CEP57L1: variants seen among roughly 807,000 people sequenced by gnomAD.
CEP57L1 encodes centrosomal protein CEP57L1.
CEP57L1 carries 37 observed loss-of-function variants against 61.0 expected under a neutral mutation model. The observed-to-expected ratio is 0.61, with a 90% CI of 0.47 to 0.80. CEP57L1 has a LOEUF of 0.80. CEP57L1 is among the 30% of genes least tolerant of loss of function. The probability of loss-of-function intolerance (pLI) is 0.00; values close to 1 mark genes in which losing one functional copy is unlikely to be tolerated. For synonymous variants in CEP57L1, 137 were observed against 162.3 expected, an observed-to-expected ratio of 0.84 and a Z score of 1.19; for missense variants, 422 against 524.7, an observed-to-expected ratio of 0.80 and a Z score of 1.91.
intron 1 of CEP57L1, among the ~76,000 whole-genome samples, chr6:109,101,084 G>A (rs1782335602): frequency 1.3e-5 from 2 of 152,180 alleles, no homozygotes; most frequent in African/African-American, 4.8e-5. Context: ...TCCAGTCTGG[G>A]CGACAGAGTA....
intron 1 of CEP57L1, among the ~76,000 whole-genome samples, chr6:109,116,011 T>A (rs916355062): frequency 6.6e-6 from 1 of 152,206 alleles, no homozygotes; most frequent in African/African-American, 2.4e-5. Context: ...TGTATTTTTA[T>A]GAGTTTTGGT....
chr6:109,126,520 A>G (rs966757471), intron 1 of CEP57L1, among the ~76,000 whole-genome samples: 2 of 152,112 alleles, frequency 1.3e-5, no homozygotes, highest in African/African-American at 4.8e-5. Flanking sequence ...CTATAATTAT[A>G]CAGTTTTATA....
In CEP57L1 at chr6:109,155,774, T is replaced by G; in HGVS notation, c.658-17T>G. 7.5e-7 allele frequency: 1 copy of G among 1,337,034 alleles called. No individual in the cohort carries two copies. The highest frequency in any genetic ancestry group is 1.1e-6 in the Non-Finnish European group (1 of 941,446). The allele number at this position is 1,337,034 out of a possible 1,614,324, so 82.8% of individuals were successfully genotyped here. A position where few individuals can be genotyped will look rare whatever the true frequency, so the allele number is the denominator to read the frequency against. The stretch of plus-strand genomic sequence containing the variant: ...TGTTACAAATCAATGTTATAACCTT[T>G]TTTTTAAATATTACAGCTTCAAACT... On this transcript the variant is annotated splice_polypyrimidine_tract_variant and intron_variant, in intron 6 of 10. Coordinates refer to ENST00000517392, the MANE Select transcript of CEP57L1 (RefSeq NM_001271852.3).
chr6:109,155,356 T>C, intron 6 of CEP57L1, 49 bp downstream of exon 6: 1 of 988,156 alleles, frequency 1.0e-6, no homozygotes, highest in Non-Finnish European at 1.4e-6. Flanking sequence ...ATATGTTTTA[T>C]TATATTTTTA....
At chr6:109,155,444 C>G (rs1773121007) in intron 6 of CEP57L1, 137 bp downstream of exon 6, 1 of 505,498 alleles carries the variant, frequency 2.0e-6, no homozygotes. Context: ...TAATGAAATT[C>G]TCAGTCAGCC....
At chr6:109,132,786 A>G (rs1774339317) in intron 1 of CEP57L1, among the ~76,000 whole-genome samples, 1 of 152,122 alleles carries the variant, frequency 6.6e-6, no homozygotes, top group Non-Finnish European at 1.5e-5. Flanking sequence ...TCGGTTTTAA[A>G]TTTTGCCTAA....
intron 1 of CEP57L1, among the ~76,000 whole-genome samples, chr6:109,098,722 G>T (rs952005651): frequency 2.0e-5 from 3 of 151,766 alleles, no homozygotes; most frequent in East Asian, 3.9e-4. Context: ...TCAAGTGATT[G>T]CCTCAAGTGA....
chr6:109,159,044 G>A lies in CEP57L1; in HGVS notation c.764G>A (p.Arg255Lys), dbSNP rs1316355213. The change falls in exon 8 of 11, where the codon AGA (arginine) becomes AAA (lysine). Residue 255 changes from arginine to lysine, a missense_variant. Coordinates refer to ENST00000517392, the MANE Select transcript of CEP57L1 (RefSeq NM_001271852.3). ...CTCTAGAAAACTAAATGTATAAAGAGACGACCACCTTGGCAAATTTGTTCA... is the reference window on the plus strand; with the variant it reads ...CTCTAGAAAACTAAATGTATAAAGAAACGACCACCTTGGCAAATTTGTTCA... ...KSSKKTKCIKRRPPWQICSKF... is the reference protein window; with the variant it reads ...KSSKKTKCIKKRPPWQICSKF... The A allele has an allele frequency of 6.2e-7, 1 of 1,613,422 alleles. No individual in the cohort carries two copies. The highest frequency in any genetic ancestry group is 1.1e-5 in the South Asian group (1 of 91,030).
intron 1 of CEP57L1, among the ~76,000 whole-genome samples, chr6:109,140,185 C>T (rs576917622): frequency 1.2e-3 from 186 of 151,928 alleles, no homozygotes; most frequent in African/African-American, 3.7e-3. Context: ...CTCCGCCTTC[C>T]GGGTTCAAGC....
At chr6:109,117,192 G>A (rs1038477097) in intron 1 of CEP57L1, among the ~76,000 whole-genome samples, 1 of 152,010 alleles carries the variant, frequency 6.6e-6, no homozygotes, top group African/African-American at 2.4e-5. Context: ...TCTAGTCTCA[G>A]CTATTATAGT....
At chr6:109,141,318 T>C (rs1461806767) in intron 1 of CEP57L1, among the ~76,000 whole-genome samples, 5 of 151,770 alleles carry the variant, frequency 3.3e-5, no homozygotes, top group Non-Finnish European at 5.9e-5. Flanking sequence ...CAGGTTCAAG[T>C]GATTCTTCTG....
intron 1 of CEP57L1, among the ~76,000 whole-genome samples, chr6:109,098,066 G>A (rs950753370): frequency 2.0e-5 from 3 of 152,176 alleles, no homozygotes; most frequent in African/African-American, 7.2e-5. Context: ...GGTTGGGAAA[G>A]CATTGGAGAG....
At chr6:109,133,663 G>A (rs532047671) in intron 1 of CEP57L1, among the ~76,000 whole-genome samples, 6 of 152,096 alleles carry the variant, frequency 3.9e-5, no homozygotes, top group African/African-American at 9.6e-5. Context: ...TTGATAGACC[G>A]CTAGCAAGAC....
At chr6:109,136,755 ATTTTATTTATTTTT>A in intron 1 of CEP57L1, among the ~76,000 whole-genome samples, 1 of 126,720 alleles carries the variant, frequency 7.9e-6, no homozygotes, top group Non-Finnish European at 1.7e-5. Flanking sequence ...ATTTTATTTT[ATTTTATTTATTTTT>A]TTGAGAGAGA....
At chr6:109,131,650 A>G (rs1341842355) in intron 1 of CEP57L1, among the ~76,000 whole-genome samples, 1 of 151,606 alleles carries the variant, frequency 6.6e-6, no homozygotes, top group Non-Finnish European at 1.5e-5. Flanking sequence ...CTTCTGGTAA[A>G]AGAACACATT....
At chr6:109,138,336 G>A (rs1313300659) in intron 1 of CEP57L1, among the ~76,000 whole-genome samples, 2 of 152,154 alleles carry the variant, frequency 1.3e-5, no homozygotes, top group African/African-American at 4.8e-5. Flanking sequence ...ATCTAGGATG[G>A]TAGCATAGGC....
In CEP57L1 at chr6:109,159,470, T is replaced by C. The variant is rs201725496; in HGVS notation, c.1016+8T>C. Reference sequence around the variant, plus strand: ...GCTGGACCAAATGAGCATGTAAGTATTTATATTCTTTTTTTTTTTCAAGAG... The same window carrying C: ...GCTGGACCAAATGAGCATGTAAGTACTTATATTCTTTTTTTTTTTCAAGAG... On this transcript the variant is annotated splice_region_variant and intron_variant, in intron 9 of 10. Transcript: ENST00000517392. 6.2e-7 allele frequency: 1 copy of C among 1,606,936 alleles called. No homozygotes were observed. Among genetic ancestry groups the C allele is most frequent in the East Asian group, 2.2e-5 (1 of 44,806 alleles).
chr6:109,150,133 T>A lies in CEP57L1; in HGVS notation c.356T>A (p.Leu119Ter). 6.2e-7 allele frequency: 1 copy of A among 1,603,256 alleles called. No homozygotes were observed. The highest frequency in any genetic ancestry group is 1.1e-5 in the South Asian group (1 of 90,854). ...TATTTCATAGATATAAGTATACAGT[T>A]AAGCTCAGCCCAGTCTCGTTGTACT... ...IKQKKDISIQ[L>*]SSAQSRCTLL... The change falls in exon 4 of 11, where the codon TTA becomes TAA. Residue 119 changes from leucine to a stop codon, truncating the protein, a stop_gained. Transcript: ENST00000517392. LOFTEE classifies it high-confidence loss of function.
chr6:109,097,316 C>T (rs757193196), intron 1 of CEP57L1, among the ~76,000 whole-genome samples: 1 of 152,176 alleles, frequency 6.6e-6, no homozygotes, highest in Non-Finnish European at 1.5e-5. Context: ...CATTAGTTCT[C>T]CATTATATCT....
Sources: gnomAD v4.1 joint callset for allele counts (sites outside exome capture counted in the v4.1 genomes callset) on GRCh38, gnomAD v4.1.1 for gene constraint, MANE v1.5 for transcripts, NCBI Gene and HGNC (gene_info 2026-07-23, HGNC 2026-07-21) for gene names.